CUX1: variants seen among roughly 807,000 people sequenced by gnomAD.
CUX1 encodes the protein cut like homeobox 1.
CUX1 carries 31 observed loss-of-function variants against 158.8 expected under a neutral mutation model. The ratio of observed to expected loss-of-function variants is 0.20; its 90% CI spans 0.15 to 0.26. The LOEUF is 0.26. CUX1 is among the 10% of genes least tolerant of loss of function. The pLI, the probability that CUX1 is intolerant of heterozygous loss-of-function variation, is 1.00. For synonymous variants in CUX1, 879 were observed against 862.1 expected, an observed-to-expected ratio of 1.02 and a Z score of -0.34; for missense variants, 1,589 against 2,014.6, an observed-to-expected ratio of 0.79 and a Z score of 4.04.
At chr7:101,911,754 C>A (rs1163952420) in intron 1 of CUX1, among the ~76,000 whole-genome samples, 1 of 152,236 alleles carries the variant, frequency 6.6e-6, no homozygotes, top group African/African-American at 2.4e-5. Flanking sequence ...GTCAGCTCGG[C>A]CCATTGACTT....
At chr7:102,262,056 G>A (rs902581825), downstream of CUX1, among the ~76,000 whole-genome samples, 2 of 152,158 alleles carry the variant, frequency 1.3e-5, no homozygotes, top group Non-Finnish European at 2.9e-5. Context: ...AGGCTGCAGT[G>A]AGCTATAATT....
chr7:102,254,269 T>C lies in CUX1; in HGVS notation c.*5227T>C, dbSNP rs1554541251. 8.1e-6 allele frequency: 8 copies of C among 985,376 alleles called. No homozygotes were observed. Among genetic ancestry groups the C allele is most frequent in the Non-Finnish European group, 9.6e-6 (8 of 829,988 alleles). 61.0% of individuals were successfully genotyped at this position (985,376 alleles called of 1,614,324 possible). On this transcript the variant is annotated 3_prime_UTR_variant, in exon 24 of 24. Transcript: ENST00000292535. Reference sequence around the variant, plus strand: ...CCTGCTCAGCTGTTAAGATCCATCATGGCCATTATCCTTGTCCCGGACTGC... The same window carrying C: ...CCTGCTCAGCTGTTAAGATCCATCACGGCCATTATCCTTGTCCCGGACTGC...
intron 4 of CUX1, among the ~76,000 whole-genome samples, chr7:102,083,347 C>T: frequency 6.8e-6 from 1 of 147,268 alleles, no homozygotes; most frequent in East Asian, 1.9e-4. Context: ...TGCTCTGTTG[C>T]CCAGGCTGGA....
chr7:102,271,170 T>C (rs1791187756), intron 14 of CUX1, among the ~76,000 whole-genome samples: 1 of 152,178 alleles, frequency 6.6e-6, no homozygotes, highest in Non-Finnish European at 1.5e-5. Context: ...AGGTTCTCCA[T>C]CTCAGCCCTG....
intron 1 of CUX1, among the ~76,000 whole-genome samples, chr7:101,860,071 TC>T (rs925138027): frequency 4.8e-5 from 7 of 145,616 alleles, no homozygotes; most frequent in African/African-American, 7.5e-5. Flanking sequence ...TCTCTGTCTC[TC>T]CCCCCTTCTC....
intron 1 of CUX1, among the ~76,000 whole-genome samples, chr7:101,861,989 C>G (rs962686649): frequency 6.6e-6 from 1 of 152,070 alleles, no homozygotes; most frequent in Non-Finnish European, 1.5e-5. Context: ...CGCCTGCCAC[C>G]ATGCCCGGCA....
intron 3 of CUX1, among the ~76,000 whole-genome samples, chr7:102,068,234 G>A (rs1210443910): frequency 6.7e-6 from 1 of 149,448 alleles, no homozygotes; most frequent in Admixed American, 6.7e-5. Context: ...TGGTATTACA[G>A]GTGCATTGCC....
intron 1 of CUX1, among the ~76,000 whole-genome samples, chr7:101,886,830 C>T (rs1482995279): frequency 6.6e-6 from 1 of 152,142 alleles, no homozygotes; most frequent in Non-Finnish European, 1.5e-5. Flanking sequence ...GGCCTTGTTG[C>T]CATTGGAAAC....
At chr7:101,992,422 C>T (rs145831059) in intron 2 of CUX1, among the ~76,000 whole-genome samples, 14 of 152,306 alleles carry the variant, frequency 9.2e-5, no homozygotes, top group African/African-American at 3.4e-4. Context: ...ATTGGGGAGA[C>T]TGGTGTGCAT....
At chr7:102,224,797 A>G (rs1798184939) in intron 20 of CUX1, among the ~76,000 whole-genome samples, 1 of 152,204 alleles carries the variant, frequency 6.6e-6, no homozygotes, top group Non-Finnish European at 1.5e-5. Flanking sequence ...CCAGAACAAA[A>G]CAGGGAGATG....
intron 18 of CUX1, among the ~76,000 whole-genome samples, chr7:102,202,649 C>T (rs1327226752): frequency 6.6e-6 from 1 of 152,174 alleles, no homozygotes; most frequent in Non-Finnish European, 1.5e-5. Flanking sequence ...ACAGAGGGAC[C>T]ACCAGTACGC....
rs186065128 is a variant in CUX1 at position 102,070,450 on chromosome 7, G to A, written c.268+33G>A. The A allele has an allele frequency of 1.3e-3, 1,995 of 1,552,744 alleles. 2 individuals carry two copies. Among genetic ancestry groups the A allele is most frequent in the Admixed American group, 1.7e-3 (92 of 53,478 alleles). On this transcript the variant is annotated intron_variant, in intron 4 of 23. Coordinates refer to ENST00000292535, the MANE Select transcript of CUX1 (RefSeq NM_181552.4). ...CCGGCAGTAATGGCCCACCAGTGGGGGGCGTTGTGTCTGGTGAGTCGGTGG... is the reference window on the plus strand; with the variant it reads ...CCGGCAGTAATGGCCCACCAGTGGGAGGCGTTGTGTCTGGTGAGTCGGTGG...
chr7:102,233,777 A>T (rs150931031), intron 21 of CUX1, among the ~76,000 whole-genome samples: 2,212 of 152,106 alleles, frequency 0.015, 42 homozygotes, highest in African/African-American at 0.049. Flanking sequence ...ACAGAGCAAG[A>T]CTCCATCTCA....
chr7:101,859,968 C>T (rs1181957126), intron 1 of CUX1, among the ~76,000 whole-genome samples: 3 of 149,686 alleles, frequency 2.0e-5, no homozygotes, highest in Admixed American at 6.7e-5. Context: ...CTTCCCCTTT[C>T]TTTTTCCTTC....
chr7:102,086,043 T>C (rs567542276), intron 4 of CUX1, among the ~76,000 whole-genome samples: 142 of 152,316 alleles, frequency 9.3e-4, no homozygotes, highest in Non-Finnish European at 1.8e-3. Flanking sequence ...ATTATCAAAT[T>C]TGTTGGCATA....
At chr7:101,909,538 G>A (rs994053699) in intron 1 of CUX1, among the ~76,000 whole-genome samples, 4 of 152,224 alleles carry the variant, frequency 2.6e-5, no homozygotes, top group Non-Finnish European at 2.9e-5. Context: ...ACCTTCCTGT[G>A]CAGGAACCAT....
At chr7:101,831,087 G>A (rs565795898) in intron 1 of CUX1, among the ~76,000 whole-genome samples, 149 of 152,222 alleles carry the variant, frequency 9.8e-4, no homozygotes, top group African/African-American at 3.4e-3. Context: ...GGGGTATCGC[G>A]AGGTGTCCAA....
intron 2 of CUX1, among the ~76,000 whole-genome samples, chr7:101,929,300 C>T (rs970257446): frequency 5.9e-5 from 9 of 152,196 alleles, no homozygotes; most frequent in Non-Finnish European, 1.3e-4. Flanking sequence ...TGCCTTCTTC[C>T]ATATGTGTCT....
intron 1 of CUX1, among the ~76,000 whole-genome samples, chr7:101,835,529 T>C (rs1165121198): frequency 6.6e-6 from 1 of 152,246 alleles, no homozygotes; most frequent in Admixed American, 6.5e-5. Context: ...TCATATGTAG[T>C]CACTCTGGGC....
Sources: gnomAD v4.1 joint callset for allele counts (sites outside exome capture counted in the v4.1 genomes callset) on GRCh38, gnomAD v4.1.1 for gene constraint, MANE v1.5 for transcripts, NCBI Gene and HGNC (gene_info 2026-07-23, HGNC 2026-07-21) for gene names.